The following NID1 variants were observed in gnomAD, a reference collection of about 807,000 sequenced individuals.
NID1 encodes nidogen 1.
In NID1, 76 loss-of-function variants were observed where a neutral mutation model predicts 130.6. That is an observed-to-expected ratio of 0.58 (90% confidence interval 0.48 to 0.70). NID1 has a LOEUF of 0.70. Among genes scored for constraint, NID1 ranks in the 30% least tolerant of loss-of-function variants. The pLI, the probability that NID1 is intolerant of heterozygous loss-of-function variation, is 0.00. For missense variants in NID1, 1,517 were observed against 1,664.8 expected (o/e 0.91, Z 1.54); for synonymous variants, 665 against 675.1 (o/e 0.98, Z 0.23).
chr1:236,064,118 G>C (rs1660122575), intron 1 of NID1, among the ~76,000 whole-genome samples: 1 of 152,200 alleles, frequency 6.6e-6, no homozygotes, highest in Non-Finnish European at 1.5e-5. Flanking sequence ...GGCGGCCGAG[G>C]AAGGCAGCGG....
rs932132366 is a variant in NID1 at position 236,043,072 on chromosome 1, T to C, written c.753-780A>G. On this transcript the variant is annotated intron_variant, in intron 3 of 19. Transcript: ENST00000264187. ...ACACATCAAGGTGCGGGAAGGCTGG[T>C]GTACTCAGAGACGGCATAGAAACCC... Among the ~76,000 whole-genome samples, 4 of 152,308 alleles carry C rather than the reference T, an allele frequency of 2.6e-5. No homozygotes were observed. In the South Asian group the frequency reaches 8.3e-4, roughly 32 times the overall value.
intron 7 of NID1, among the ~76,000 whole-genome samples, chr1:236,028,960 T>G (rs546748656): frequency 4.6e-5 from 7 of 152,148 alleles, no homozygotes; most frequent in Admixed American, 1.3e-4. Flanking sequence ...GCAGATCACT[T>G]GAGGTCAGGA....
At chr1:236,059,670 T>C (rs990966183) in intron 1 of NID1, among the ~76,000 whole-genome samples, 1 of 151,918 alleles carries the variant, frequency 6.6e-6, no homozygotes, top group Admixed American at 6.6e-5. Context: ...GATTAGTAAA[T>C]AAAGCTTAGG....
intron 12 of NID1, among the ~76,000 whole-genome samples, chr1:236,010,460 G>C (rs1338274823): frequency 6.6e-6 from 1 of 151,982 alleles, no homozygotes; most frequent in Non-Finnish European, 1.5e-5. Flanking sequence ...ACCACACCCA[G>C]CTAATTTTTC....
chr1:236,001,621 C>G (rs1658078870), intron 12 of NID1, among the ~76,000 whole-genome samples: 1 of 152,202 alleles, frequency 6.6e-6, no homozygotes, highest in South Asian at 2.1e-4. Flanking sequence ...GTGATAACAG[C>G]TTTCTTTACT....
chr1:236,021,721 A>G (rs1658770596), intron 9 of NID1, among the ~76,000 whole-genome samples: 1 of 152,182 alleles, frequency 6.6e-6, no homozygotes, highest in Non-Finnish European at 1.5e-5. Context: ...TACTTCTAGC[A>G]TTCCTTATGC....
intron 12 of NID1, among the ~76,000 whole-genome samples, chr1:236,001,755 A>G (rs890182960): frequency 6.6e-6 from 1 of 152,216 alleles, no homozygotes; most frequent in Non-Finnish European, 1.5e-5. Flanking sequence ...AAGAAGGGAA[A>G]ACAGAAAGGT....
At chr1:236,061,016 C>A (rs947111016) in intron 1 of NID1, among the ~76,000 whole-genome samples, 3 of 152,200 alleles carry the variant, frequency 2.0e-5, no homozygotes, top group African/African-American at 7.2e-5. Flanking sequence ...AAGAGTTCAG[C>A]ATTTATCTGC....
intron 4 of NID1, 53 bp from the exon 5 acceptor site, chr1:236,038,306 C>A (rs772846679): frequency 6.3e-7 from 1 of 1,579,094 alleles, no homozygotes; most frequent in African/African-American, 1.3e-5. Flanking sequence ...AGCTCTAGCC[C>A]GGTGGGCTCT....
At position 235,976,543 on chromosome 1, in the gene NID1, C is replaced by G. The variant is rs1657259765; in HGVS notation, c.*1324G>C. The G allele has an allele frequency of 6.6e-6, 1 of 152,250 alleles. No individual in the cohort carries two copies. Among genetic ancestry groups the G allele is most frequent in the South Asian group, 2.1e-4 (1 of 4,820 alleles). The allele number at this position is 152,250 out of a possible 1,614,324, so 9.4% of individuals were successfully genotyped here. A position where few individuals can be genotyped will look rare whatever the true frequency, so the allele number is the denominator to read the frequency against. ...TCCTTTATCCCATCCTTTACTGACT[C>G]AAACTCCTTATGCTGAACTTTTCAA... On this transcript the variant is annotated 3_prime_UTR_variant, in exon 20 of 20. Transcript: ENST00000264187.
chr1:236,004,044 A>AC (rs1452517126), intron 12 of NID1, among the ~76,000 whole-genome samples: 2 of 151,402 alleles, frequency 1.3e-5, no homozygotes, highest in South Asian at 2.1e-4. Flanking sequence ...AAAAAAAAAA[A>AC]AAAAACAAGA....
chr1:236,017,585 C>A (rs1228109549), intron 9 of NID1, among the ~76,000 whole-genome samples: 1 of 152,138 alleles, frequency 6.6e-6, no homozygotes. Context: ...GAGGTTTCAG[C>A]ATGTTGGCCA....
chr1:236,054,566 A>G lies in NID1; in HGVS notation c.226-5577T>C, dbSNP rs112806750. Among the ~76,000 whole-genome samples, 176 of 152,226 alleles carry G rather than the reference A, an allele frequency of 1.2e-3. 2 individuals are homozygous for G. The highest frequency in any genetic ancestry group is 4.2e-3 in the African/African-American group (173 of 41,516). On this transcript the variant is annotated intron_variant, in intron 1 of 19. Transcript: ENST00000264187. Reference sequence around the variant, plus strand: ...GCAAAATAAAACATTTCATGAAACCATTTGCATATTGGACAATATTAAGGA... The same window carrying G: ...GCAAAATAAAACATTTCATGAAACCGTTTGCATATTGGACAATATTAAGGA...
Position 235,988,745 on chromosome 1 carries a change from T to C in NID1, c.2928+2141A>G, listed in dbSNP as rs150523882. Among the ~76,000 whole-genome samples, 733 of 152,268 alleles carry C rather than the reference T, an allele frequency of 4.8e-3. 7 individuals carry two copies. The highest frequency in any genetic ancestry group is 0.017 in the African/African-American group (693 of 41,556). ...GTGGATGAACCTGAGGACATTATGC[T>C]AAGTGAAATATGCCAGACACGAATG... On this transcript the variant is annotated intron_variant, in intron 14 of 19. Coordinates refer to ENST00000264187, the MANE Select transcript of NID1 (RefSeq NM_002508.3).
chr1:236,044,057 G>A (rs1043013716), intron 3 of NID1, among the ~76,000 whole-genome samples: 5 of 152,182 alleles, frequency 3.3e-5, no homozygotes, highest in Admixed American at 2.0e-4. Context: ...TATATTATAC[G>A]GTGGACAGAG....
chr1:235,977,689 G>C lies in NID1; in HGVS notation c.*178C>G, dbSNP rs1002184370. The C allele has an allele frequency of 1.4e-5, 9 of 630,074 alleles. No individual in the cohort carries two copies. The African/African-American group carries it at 1.7e-4, about 12-fold the overall frequency. The allele number at this position is 630,074 out of a possible 1,614,324, so 39.0% of individuals were successfully genotyped here. A position where few individuals can be genotyped will look rare whatever the true frequency, so the allele number is the denominator to read the frequency against. On this transcript the variant is annotated 3_prime_UTR_variant, in exon 20 of 20. Transcript: ENST00000264187. ...TGTAGGGGTGGAGACTTTTCTATTA[G>C]AGAAGTCCAGGGTGCATGTTTTGGG...
At chr1:236,054,677 T>C (rs1328115110) in intron 1 of NID1, among the ~76,000 whole-genome samples, 1 of 152,010 alleles carries the variant, frequency 6.6e-6, no homozygotes, top group Non-Finnish European at 1.5e-5. Context: ...AGTCTCGCTC[T>C]GTCACCCAGG....
intron 12 of NID1, among the ~76,000 whole-genome samples, chr1:236,004,830 G>A (rs185395113): frequency 2.0e-5 from 3 of 151,212 alleles, no homozygotes; most frequent in South Asian, 2.1e-4. Context: ...GAAATTGACC[G>A]GGCTGTCAGG....
rs183160884 is a variant in NID1 at position 236,023,360 on chromosome 1, A to G, written c.2128+710T>C. 4.6e-5 allele frequency among the ~76,000 whole-genome samples: 7 copies of G among 152,388 alleles called. No individual in the cohort carries two copies. In the East Asian group the frequency reaches 1.4e-3, roughly 29 times the overall value. On this transcript the variant is annotated intron_variant, in intron 9 of 19. Coordinates refer to ENST00000264187, the MANE Select transcript of NID1 (RefSeq NM_002508.3). ...ACACTGTGCTATGTGAAATAAGCCA[A>G]TCACAGAAGAACAAATATGATTCCA...
Sources: gnomAD v4.1 joint callset for allele counts (sites outside exome capture counted in the v4.1 genomes callset) on GRCh38, gnomAD v4.1.1 for gene constraint, MANE v1.5 for transcripts, NCBI Gene and HGNC (gene_info 2026-07-23, HGNC 2026-07-21) for gene names.